ASAP1: variants seen among roughly 807,000 people sequenced by gnomAD.
The protein encoded by ASAP1 is ArfGAP with SH3 domain, ankyrin repeat and PH domain 1.
Under a neutral mutation model 145.2 loss-of-function variants are expected in ASAP1, and 43 were observed. That is an observed-to-expected ratio of 0.30 (90% CI 0.23 to 0.38). ASAP1 has a LOEUF of 0.38. Ranked by LOEUF, ASAP1 falls within the 10% of genes least tolerant of loss-of-function variation. The probability of loss-of-function intolerance (pLI) is 1.00; values close to 1 mark genes in which losing one functional copy is unlikely to be tolerated. For missense variants in ASAP1, 1,018 were observed against 1,355.3 expected (o/e 0.75, Z 3.91); for synonymous variants, 546 against 515.5 (o/e 1.06, Z -0.80).
chr8:130,151,347 G>A (rs2097645784), intron 13 of ASAP1, among the ~76,000 whole-genome samples: 2 of 114,272 alleles, frequency 1.8e-5, no homozygotes, highest in Non-Finnish European at 3.3e-5. Flanking sequence ...CTCCAGCCTG[G>A]GTGAAAGAGC....
chr8:130,119,949 C>T (rs2097562947), intron 18 of ASAP1, among the ~76,000 whole-genome samples: 1 of 152,170 alleles, frequency 6.6e-6, no homozygotes, highest in South Asian at 2.1e-4. Flanking sequence ...TGCATTCCAC[C>T]TGTGGAAGCT....
At chr8:130,313,581 TGAAAATGAGAA>T (rs1823486969) in intron 3 of ASAP1, among the ~76,000 whole-genome samples, 1 of 152,206 alleles carries the variant, frequency 6.6e-6, no homozygotes, top group South Asian at 2.1e-4. Context: ...AGCTGCAGTT[TGAAAATGAGAA>T]ACTTCTTTTG....
rs71303498 is a variant in ASAP1, at chr8:130,072,824, T to TGCGCGCGCGCGCGCGCGCGC, written c.2701+3523_2701+3524insGCGCGCGCGCGCGCGCGCGC. Among the ~76,000 whole-genome samples, 33 of 32,250 alleles carry TGCGCGCGCGCGCGCGCGCGC rather than the reference T, an allele frequency of 1.0e-3. 1 individual carries two copies. Among genetic ancestry groups the TGCGCGCGCGCGCGCGCGCGC allele is most frequent in the South Asian group, 1.7e-3 (1 of 588 alleles). 21.2% of individuals were successfully genotyped at this position (32,250 alleles called of 152,430 possible). A position where few individuals can be genotyped will look rare whatever the true frequency, so the allele number is the denominator to read the frequency against. ...GTGTGTGTGTGTGTGTGTGTGTGTGTGCGCGCGGGGGGGGGCAGTTTTGGG... is the reference window on the plus strand; with the variant it reads ...GTGTGTGTGTGTGTGTGTGTGTGTGTGCGCGCGCGCGCGCGCGCGCGCGCGCGGGGGGGGGCAGTTTTGGG... On this transcript the variant is annotated intron_variant, in intron 27 of 29. Transcript: ENST00000518721.
intron 4 of ASAP1, among the ~76,000 whole-genome samples, chr8:130,230,506 G>GA (rs984089863): frequency 6.7e-4 from 102 of 151,906 alleles, no homozygotes; most frequent in African/African-American, 2.1e-3. Flanking sequence ...CCCTTTGGGG[G>GA]AAAAAAACCC....
chr8:130,392,354 A>T (rs1427522833), intron 2 of ASAP1, among the ~76,000 whole-genome samples: 2 of 152,246 alleles, frequency 1.3e-5, no homozygotes, highest in Non-Finnish European at 2.9e-5. Flanking sequence ...TAAGACATCT[A>T]ACAGGGAAAA....
chr8:130,204,896 T>C (rs1816106128), intron 5 of ASAP1, among the ~76,000 whole-genome samples: 2 of 152,336 alleles, frequency 1.3e-5, no homozygotes, highest in South Asian at 4.1e-4. Flanking sequence ...GTGCCTGGCA[T>C]ACAGTCACCA....
intron 13 of ASAP1, among the ~76,000 whole-genome samples, chr8:130,145,026 G>A (rs1484782840): frequency 2.6e-5 from 4 of 152,170 alleles, no homozygotes; most frequent in South Asian, 2.1e-4. Flanking sequence ...GAAAAAAAGA[G>A]CTTACTGGGG....
chr8:130,224,575 G>A (rs1817483257), intron 4 of ASAP1, among the ~76,000 whole-genome samples: 1 of 151,862 alleles, frequency 6.6e-6, no homozygotes, highest in African/African-American at 2.4e-5. Context: ...AAATATAGGT[G>A]TTTTCACCCC....
chr8:130,141,830 G>C (rs1285201092), intron 13 of ASAP1, among the ~76,000 whole-genome samples: 3 of 152,028 alleles, frequency 2.0e-5, no homozygotes, highest in Non-Finnish European at 4.4e-5. Context: ...GCATCCTCCT[G>C]CCTCAGCCTC....
intron 2 of ASAP1, among the ~76,000 whole-genome samples, chr8:130,387,775 A>G (rs1387233400): frequency 2.0e-5 from 3 of 152,138 alleles, no homozygotes; most frequent in Admixed American, 2.0e-4. Flanking sequence ...TTGGTATTTT[A>G]TGCTCATGGT....
At chr8:130,325,917 A>C (rs1004342379) in intron 3 of ASAP1, among the ~76,000 whole-genome samples, 2 of 152,216 alleles carry the variant, frequency 1.3e-5, no homozygotes, top group Admixed American at 1.3e-4. Context: ...AACGGTGGTA[A>C]GTTATGCACC....
intron 25 of ASAP1, among the ~76,000 whole-genome samples, chr8:130,081,645 T>C (rs1004486564): frequency 2.0e-5 from 3 of 152,280 alleles, no homozygotes; most frequent in Non-Finnish European, 2.9e-5. Context: ...GCACCACCGA[T>C]TGCCCACATG....
At chr8:130,078,338 C>T (rs1201889804) in intron 26 of ASAP1, among the ~76,000 whole-genome samples, 3 of 151,870 alleles carry the variant, frequency 2.0e-5, no homozygotes, top group Non-Finnish European at 4.4e-5. Context: ...GCTGTCGCCC[C>T]GGATGGAGTG....
chr8:130,143,197 G>A (rs7846376), intron 13 of ASAP1, among the ~76,000 whole-genome samples: 103,371 of 152,028 alleles, frequency 0.68, 35,259 homozygotes, highest in South Asian at 0.79. Flanking sequence ...ACTTTTCAAA[G>A]CTGACAATTC....
intron 3 of ASAP1, among the ~76,000 whole-genome samples, chr8:130,343,256 G>A (rs979553223): frequency 6.6e-6 from 1 of 152,174 alleles, no homozygotes; most frequent in Admixed American, 6.5e-5. Context: ...GGGGCAGATA[G>A]AGAAGTCACT....
rs149354896 is a variant in ASAP1, at chr8:130,293,190, T to C, written c.187-56196A>G. ...TAAATATCTGGGGATCTCTTTAAAA[T>C]ACAGATTCTGATTCAGCAGGTCTGA... On this transcript the variant is annotated intron_variant, in intron 3 of 29. Coordinates refer to ENST00000518721, the MANE Select transcript of ASAP1 (RefSeq NM_018482.4). Among the ~76,000 whole-genome samples the C allele has an allele frequency of 5.9e-5, 9 of 152,316 alleles. No individual in the cohort carries two copies. In the East Asian group the frequency reaches 1.7e-3, roughly 29 times the overall value.
At chr8:130,093,396 G>A (rs1223357372) in intron 24 of ASAP1, among the ~76,000 whole-genome samples, 2 of 152,114 alleles carry the variant, frequency 1.3e-5, no homozygotes, top group African/African-American at 4.8e-5. Flanking sequence ...ACCAGGCACG[G>A]TGGCTCTCGC....
chr8:130,108,375 GGTTA>G (rs1426592624), intron 24 of ASAP1, among the ~76,000 whole-genome samples: 2 of 152,170 alleles, frequency 1.3e-5, no homozygotes, highest in Non-Finnish European at 2.9e-5. Context: ...ACGCTTAAAA[GGTTA>G]GTTCTTTTAA....
At chr8:130,187,323 T>C (rs1814801672) in intron 6 of ASAP1, 38 bp from the exon 7 acceptor site, 3 of 1,517,782 alleles carry the variant, frequency 2.0e-6, no homozygotes, top group Admixed American at 1.8e-5. Context: ...TTGCAACTAC[T>C]TTTGCTGAAA....
Sources: gnomAD v4.1 joint callset for allele counts (sites outside exome capture counted in the v4.1 genomes callset) on GRCh38, gnomAD v4.1.1 for gene constraint, MANE v1.5 for transcripts, NCBI Gene and HGNC (gene_info 2026-07-23, HGNC 2026-07-21) for gene names.